Variants in NALF1 observed in about 807,000 individuals in gnomAD.
The protein encoded by NALF1 is NALCN channel auxiliary factor 1.
NALF1 carries 3 observed loss-of-function variants against 48.4 expected under a neutral mutation model. The observed-to-expected ratio is 0.06, with a 90% confidence interval of 0.03 to 0.16. The LOEUF is 0.16. NALF1 is among the 10% of genes least tolerant of loss of function. The probability of loss-of-function intolerance (pLI) is 1.00; values close to 1 mark genes in which losing one functional copy is unlikely to be tolerated. For synonymous variants in NALF1, 262 were observed against 245.7 expected (o/e 1.07, Z -0.62); for missense variants, 526 against 571.5 (o/e 0.92, Z 0.81).
intron 1 of NALF1, among the ~76,000 whole-genome samples, chr13:107,854,663 G>A (rs1429297125): frequency 6.6e-6 from 1 of 152,060 alleles, no homozygotes; most frequent in Non-Finnish European, 1.5e-5. Context: ...ACGAGGTCCA[G>A]AGATTGATAC....
intron 1 of NALF1, among the ~76,000 whole-genome samples, chr13:107,538,574 A>AT (rs1170639656): frequency 6.6e-6 from 1 of 152,102 alleles, no homozygotes; most frequent in African/African-American, 2.4e-5. Context: ...ATATCTCAAG[A>AT]TTTTGTCATT....
chr13:107,505,940 T>TA (rs2139082787), intron 1 of NALF1, among the ~76,000 whole-genome samples: 1 of 152,262 alleles, frequency 6.6e-6, no homozygotes, highest in African/African-American at 2.4e-5. Flanking sequence ...TCGTGACAGA[T>TA]AAATGCAAGT....
intron 2 of NALF1, among the ~76,000 whole-genome samples, chr13:107,205,763 G>A (rs1594069485): frequency 1.3e-5 from 2 of 152,146 alleles, no homozygotes; most frequent in East Asian, 3.9e-4. Context: ...AATCATGGCT[G>A]GTCTATTTTA....
At chr13:107,727,508 C>T (rs1208664371) in intron 1 of NALF1, among the ~76,000 whole-genome samples, 2 of 152,156 alleles carry the variant, frequency 1.3e-5, no homozygotes, top group African/African-American at 4.8e-5. Flanking sequence ...TTCCTTGAGT[C>T]CAGCAGTGGG....
At chr13:107,180,516 A>C (rs895567363) in intron 2 of NALF1, among the ~76,000 whole-genome samples, 79 of 152,152 alleles carry the variant, frequency 5.2e-4, no homozygotes, top group African/African-American at 1.9e-3. Flanking sequence ...AAATTATAAA[A>C]TAATTCTGAT....
rs145952413 is a variant in NALF1, at chr13:107,549,497, G to T, written c.915+316185C>A. Among the ~76,000 whole-genome samples the T allele has an allele frequency of 5.2e-3, 787 of 152,204 alleles. 4 individuals are homozygous for T. Among genetic ancestry groups the T allele is most frequent in the African/African-American group, 0.017 (711 of 41,534 alleles). On this transcript the variant is annotated intron_variant, in intron 1 of 2. Transcript: ENST00000375915. ...CATACAAATTTCAGTCTTTAATTTT[G>T]AAGACATGTATCTTCCAGAAAAGTT...
intron 1 of NALF1, among the ~76,000 whole-genome samples, chr13:107,565,351 C>T (rs1417574359): frequency 6.8e-6 from 1 of 146,070 alleles, no homozygotes; most frequent in East Asian, 2.0e-4. Flanking sequence ...TGCCACTGCA[C>T]TCCAGTCTGG....
At chr13:107,602,649 A>G (rs1878961648) in intron 1 of NALF1, among the ~76,000 whole-genome samples, 1 of 152,216 alleles carries the variant, frequency 6.6e-6, no homozygotes, top group Non-Finnish European at 1.5e-5. Flanking sequence ...GCCTTTAAAT[A>G]ATTAAGGAGT....
At position 107,552,219 on chromosome 13, in the gene NALF1, CTCTA is replaced by C. The variant is rs565408056; in HGVS notation, c.915+313459_915+313462del. On this transcript the variant is annotated intron_variant, in intron 1 of 2. Coordinates refer to ENST00000375915, the MANE Select transcript of NALF1 (RefSeq NM_001080396.3). ...GAATGTAAATTTTTGGAAAGTGAGA[CTCTA>C]TCTATTCTTTTTAGTATATTCTCAG... 1.5e-3 allele frequency among the ~76,000 whole-genome samples: 233 copies of C among 152,234 alleles called. 1 individual carries two copies. The highest frequency in any genetic ancestry group is 5.3e-3 in the African/African-American group (222 of 41,550).
chr13:107,692,182 A>G (rs1881583409), intron 1 of NALF1, among the ~76,000 whole-genome samples: 1 of 152,208 alleles, frequency 6.6e-6, no homozygotes, highest in African/African-American at 2.4e-5. Flanking sequence ...TTGATTTTGA[A>G]TATGAAAAGT....
chr13:107,254,762 T>A (rs966864447), intron 1 of NALF1, among the ~76,000 whole-genome samples: 1 of 152,210 alleles, frequency 6.6e-6, no homozygotes, highest in Non-Finnish European at 1.5e-5. Flanking sequence ...CCCAGTGCAA[T>A]TAGAATTTGG....
At position 107,866,637 on chromosome 13, in the gene NALF1, G is replaced by A. The variant is rs1880739986; in HGVS notation, c.-41C>T. On this transcript the variant is annotated 5_prime_UTR_variant, in exon 1 of 3. Coordinates refer to ENST00000375915, the MANE Select transcript of NALF1 (RefSeq NM_001080396.3). This position sits in a 1 kb window ranked among gnomAD's most constrained non-coding sequence, Gnocchi z 4.4. ...AGCCCTGGCCGACTCCACCGTGAGG[G>A]CGCCTGTGCCGGTGTCACCACAATA... 1 of 1,547,290 alleles carries A rather than the reference G, an allele frequency of 6.5e-7. No homozygotes were observed. Among genetic ancestry groups the A allele is most frequent in the African/African-American group, 1.4e-5 (1 of 72,940 alleles).
At chr13:107,733,665 GAAAAT>G (rs1294004517) in intron 1 of NALF1, among the ~76,000 whole-genome samples, 1 of 152,068 alleles carries the variant, frequency 6.6e-6, no homozygotes, top group Non-Finnish European at 1.5e-5. Flanking sequence ...TCTACATAAT[GAAAAT>G]AAACCAATGA....
intron 1 of NALF1, among the ~76,000 whole-genome samples, chr13:107,731,895 C>T (rs975721140): frequency 1.3e-5 from 2 of 152,142 alleles, no homozygotes; most frequent in Non-Finnish European, 2.9e-5. Context: ...TCTTAAAACT[C>T]TTTCTCTGCT....
intron 1 of NALF1, among the ~76,000 whole-genome samples, chr13:107,532,835 T>C (rs1876684902): frequency 6.6e-6 from 1 of 152,104 alleles, no homozygotes; most frequent in African/African-American, 2.4e-5. Flanking sequence ...AATTTTGTGC[T>C]AGTTTCTAAC....
intron 1 of NALF1, among the ~76,000 whole-genome samples, chr13:107,632,915 A>G (rs2138450096): frequency 6.6e-6 from 1 of 151,874 alleles, no homozygotes; most frequent in African/African-American, 2.4e-5. Flanking sequence ...TCATGAAAAA[A>G]AAAAAAAAGG....
At chr13:107,271,958 C>T (rs1334152210) in intron 1 of NALF1, among the ~76,000 whole-genome samples, 1 of 151,478 alleles carries the variant, frequency 6.6e-6, no homozygotes, top group African/African-American at 2.4e-5. Context: ...TAAGAATAAT[C>T]ATGAGACCTC....
intron 1 of NALF1, among the ~76,000 whole-genome samples, chr13:107,314,480 G>T (rs369018956): frequency 6.6e-6 from 1 of 151,992 alleles, no homozygotes; most frequent in African/African-American, 2.4e-5. Flanking sequence ...TCTTCAGAAA[G>T]ATTTATTTTC....
Position 107,174,195 on chromosome 13 carries a change from C to T in NALF1, c.1088-3409G>A, listed in dbSNP as rs577624220. Among the ~76,000 whole-genome samples, 37 of 152,042 alleles carry T rather than the reference C, an allele frequency of 2.4e-4. No individual in the cohort carries two copies. In the East Asian group the frequency reaches 6.4e-3, roughly 26 times the overall value. ...TGCCACCCTTTTGTGTTTGTTTGTCCCTTGTTCTTCTCATGGAAACACCAT... is the reference window on the plus strand; with the variant it reads ...TGCCACCCTTTTGTGTTTGTTTGTCTCTTGTTCTTCTCATGGAAACACCAT... On this transcript the variant is annotated intron_variant, in intron 2 of 2. Transcript: ENST00000375915.
Sources: allele counts gnomAD v4.1 joint callset (sites outside exome capture counted in the v4.1 genomes callset), GRCh38; gene constraint gnomAD v4.1.1; non-coding constraint Gnocchi (gnomAD v3.1); transcripts MANE v1.5; gene names NCBI Gene and HGNC (gene_info 2026-07-23, HGNC 2026-07-21).